The following NDST1 variants were observed in gnomAD, a reference collection of about 807,000 sequenced individuals.
NDST1 encodes N-deacetylase and N-sulfotransferase 1, also known as bifunctional heparan sulfate N-deacetylase/N-sulfotransferase 1.
Under a neutral mutation model 92.8 loss-of-function variants are expected in NDST1, and 35 were observed. The ratio of observed to expected loss-of-function variants is 0.38; its 90% CI spans 0.29 to 0.50. The LOEUF is 0.50. Among genes scored for constraint, NDST1 ranks in the 20% least tolerant of loss-of-function variants. The probability of loss-of-function intolerance (pLI) is 0.94; values close to 1 mark genes in which losing one functional copy is unlikely to be tolerated. For synonymous variants in NDST1, 493 were observed against 500.3 expected (o/e 0.99, Z 0.19); for missense variants, 822 against 1,182.7 (o/e 0.69, Z 4.47).
intron 6 of NDST1, among the ~76,000 whole-genome samples, chr5:150,538,532 G>A (rs1005907639): frequency 3.3e-5 from 5 of 152,212 alleles, no homozygotes; most frequent in Non-Finnish European, 5.9e-5. Flanking sequence ...GGTTAGATGA[G>A]TTAGATATAG....
Position 150,521,741 on chromosome 5 carries a change from G to A in NDST1, c.487G>A (p.Gly163Ser), listed in dbSNP as rs773073595. ...ELLDKYCVAY[G>S]VGIIGFFKAN... ...GCTGGACAAGTACTGTGTGGCCTAC[G>A]GCGTGGGCATCATTGGCTTCTTCAA... The change falls in exon 2 of 15, where the codon GGC becomes AGC. Residue 163 changes from glycine to serine, a missense_variant. Physicochemically the swap from Gly to Ser is moderately conservative, Grantham distance 56. Transcript: ENST00000261797. The surrounding 1 kb of genome is among the most constrained non-coding windows in gnomAD (Gnocchi z 5.9). The A allele has an allele frequency of 3.7e-6, 6 of 1,613,830 alleles. No individual in the cohort carries two copies. Among genetic ancestry groups the A allele is most frequent in the East Asian group, 2.2e-5 (1 of 44,880 alleles).
At chr5:150,508,068 C>A (rs1477686773), upstream of NDST1, 1 of 152,342 alleles carries the variant, frequency 6.6e-6, no homozygotes, top group Non-Finnish European at 1.5e-5. Flanking sequence ...CCACCTCCCT[C>A]CCTTGCTTCT....
chr5:150,542,129 G>T (rs1258969987), intron 9 of NDST1, among the ~76,000 whole-genome samples: 1 of 152,156 alleles, frequency 6.6e-6, no homozygotes. Context: ...GAAACTCAAG[G>T]TTCAGAGAAG....
upstream of NDST1, among the ~76,000 whole-genome samples, chr5:150,507,089 G>A (rs1048758129): frequency 2.0e-5 from 3 of 152,140 alleles, no homozygotes; most frequent in African/African-American, 7.2e-5. Flanking sequence ...CCACTGCTGG[G>A]CCTGCCTGCT....
chr5:150,509,161 G>A (rs894633354), intron 1 of NDST1, among the ~76,000 whole-genome samples: 1 of 152,178 alleles, frequency 6.6e-6, no homozygotes, highest in Non-Finnish European at 1.5e-5. Context: ...TGAGATGGAG[G>A]CCCCTGAGTC....
chr5:150,542,978 T>C lies in NDST1; in HGVS notation c.1970+7T>C. 7 of 1,613,908 alleles carry C rather than the reference T, an allele frequency of 4.3e-6. No homozygotes were observed. Among genetic ancestry groups the C allele is most frequent in the Non-Finnish European group, 5.9e-6 (7 of 1,179,800 alleles). ...ATCACAAAGGCATCGACTGGTGAGTTGGCCTTTCTGTCCACAGCGGGACGG... is the reference window on the plus strand; with the variant it reads ...ATCACAAAGGCATCGACTGGTGAGTCGGCCTTTCTGTCCACAGCGGGACGG... On this transcript the variant is annotated splice_region_variant and intron_variant, in intron 10 of 14. Transcript: ENST00000261797.
At position 150,543,003 on chromosome 5, in the gene NDST1, G is replaced by A. The variant is rs377563136; in HGVS notation, c.1970+32G>A. 50 of 1,613,260 alleles carry A rather than the reference G, an allele frequency of 3.1e-5. No individual in the cohort carries two copies. The African/African-American group carries it at 6.4e-4, about 21-fold the overall frequency. ...TGGCCTTTCTGTCCACAGCGGGACG[G>A]GAAGGCCATCCTGGGGCCTCCCAGG... On this transcript the variant is annotated intron_variant, in intron 10 of 14. Transcript: ENST00000261797.
intron 1 of NDST1, among the ~76,000 whole-genome samples, chr5:150,511,102 A>C (rs1235810815): frequency 2.0e-5 from 3 of 152,194 alleles, no homozygotes; most frequent in Admixed American, 2.0e-4. Context: ...TCAGTTTCTC[A>C]TCCGTATAAT....
intron 11 of NDST1, among the ~76,000 whole-genome samples, chr5:150,547,424 C>T (rs1303024178): frequency 1.3e-5 from 2 of 152,330 alleles, no homozygotes; most frequent in African/African-American, 2.4e-5. Flanking sequence ...TAGTGCCTGT[C>T]GCACAGGTGC....
intron 2 of NDST1, among the ~76,000 whole-genome samples, chr5:150,523,832 G>C (rs971301351): frequency 2.0e-5 from 3 of 152,170 alleles, no homozygotes; most frequent in African/African-American, 4.8e-5. Flanking sequence ...TCTCATCGTG[G>C]GGCCAGTGGT....
intron 13 of NDST1, 72 bp from the exon 14 acceptor site, chr5:150,551,681 A>G (rs1036021976): frequency 8.3e-6 from 13 of 1,574,576 alleles, no homozygotes; most frequent in Non-Finnish European, 1.1e-5. Context: ...CCTGGGGTCC[A>G]TGAACATGGC....
intron 4 of NDST1, 132 bp downstream of exon 4, chr5:150,533,164 C>A: frequency 1.1e-6 from 1 of 894,096 alleles, no homozygotes; most frequent in Non-Finnish European, 1.8e-6. Context: ...GACCCCTCTG[C>A]CCCCGTGGAG....
Position 150,532,903 on chromosome 5 carries a change from T to C in NDST1, c.1009-42T>C, listed in dbSNP as rs777764183. ...CTCAGTGGGAAAAGCAGGGAGCTCC[T>C]GGCTTTCCCTCACTCATTCCTTTCT... On this transcript the variant is annotated intron_variant, in intron 3 of 14. Transcript: ENST00000261797. 3.2e-6 allele frequency: 5 copies of C among 1,571,242 alleles called. No individual in the cohort carries two copies. The East Asian group carries it at 6.7e-5, about 21-fold the overall frequency.
chr5:150,545,033 C>T (rs1174035354), intron 10 of NDST1, among the ~76,000 whole-genome samples: 1 of 152,172 alleles, frequency 6.6e-6, no homozygotes, highest in African/African-American at 2.4e-5. Context: ...GGCATTACCC[C>T]CTCCCCATGA....
At chr5:150,508,712 A>G (rs543650675) in intron 1 of NDST1, among the ~76,000 whole-genome samples, 1 of 152,280 alleles carries the variant, frequency 6.6e-6, no homozygotes, top group Admixed American at 6.5e-5. Flanking sequence ...ATGGCTTGTC[A>G]AAGCCAGAGG....
intron 9 of NDST1, 125 bp downstream of exon 9, chr5:150,541,791 A>G (rs1755260733): frequency 1.1e-6 from 1 of 890,414 alleles, no homozygotes; most frequent in African/African-American, 1.7e-5. Flanking sequence ...AGGAAGTAGG[A>G]ATGAAGTTGG....
At chr5:150,510,914 G>A (rs1403315556) in intron 1 of NDST1, among the ~76,000 whole-genome samples, 1 of 152,230 alleles carries the variant, frequency 6.6e-6, no homozygotes, top group East Asian at 1.9e-4. Flanking sequence ...AAAAGGAATG[G>A]AGAAAGGGAT....
At chr5:150,526,967 C>G (rs1754503526) in intron 2 of NDST1, among the ~76,000 whole-genome samples, 1 of 152,230 alleles carries the variant, frequency 6.6e-6, no homozygotes, top group Non-Finnish European at 1.5e-5. Flanking sequence ...AGTGACCGGG[C>G]AGGCACCATA....
At chr5:150,539,830 A>G (rs1254342933) in intron 7 of NDST1, 41 of 973,560 alleles carry the variant, frequency 4.2e-5, no homozygotes, top group Non-Finnish European at 4.8e-5. Context: ...CATTTACAAA[A>G]TAAAACCCAA....
Sources: allele counts gnomAD v4.1 joint callset (sites outside exome capture counted in the v4.1 genomes callset), GRCh38; gene constraint gnomAD v4.1.1; non-coding constraint Gnocchi (gnomAD v3.1); transcripts MANE v1.5; gene names NCBI Gene and HGNC (gene_info 2026-07-23, HGNC 2026-07-21).